PREX1: variants seen among roughly 807,000 people sequenced by gnomAD.
The protein encoded by PREX1 is phosphatidylinositol 3,4,5-trisphosphate-dependent Rac exchanger 1 protein.
In PREX1, 41 loss-of-function variants were observed where a neutral mutation model predicts 198.3. The observed-to-expected ratio is 0.21, with a 90% CI of 0.16 to 0.27. The LOEUF (loss-of-function observed/expected upper bound fraction) is 0.27, where lower values mean the gene tolerates loss of function less well. PREX1 is among the 10% of genes least tolerant of loss of function. PREX1 has a pLI of 1.00. For missense variants in PREX1, 1,620 were observed against 2,200.7 expected, an observed-to-expected ratio of 0.74 and a Z score of 5.28; for synonymous variants, 843 against 887.2, an observed-to-expected ratio of 0.95 and a Z score of 0.89.
intron 11 of PREX1, among the ~76,000 whole-genome samples, 194 bp downstream of exon 11, chr20:48,681,041 A>G (rs2089745927): frequency 2.0e-5 from 3 of 152,270 alleles, no homozygotes; most frequent in Non-Finnish European, 4.4e-5. Flanking sequence ...CAGGTTTTTG[A>G]GGTATCCCTG....
intron 13 of PREX1, among the ~76,000 whole-genome samples, chr20:48,678,008 G>A (rs2089721374): frequency 6.6e-6 from 1 of 150,538 alleles, no homozygotes; most frequent in African/African-American, 2.4e-5. Flanking sequence ...AAAAGAAAAA[G>A]AAAAAACCAA....
At chr20:48,767,229 G>C (rs1020049332) in intron 1 of PREX1, among the ~76,000 whole-genome samples, 1 of 152,306 alleles carries the variant, frequency 6.6e-6, no homozygotes, top group East Asian at 1.9e-4. Flanking sequence ...CTTCCAGCCA[G>C]ACCAGTGACA....
chr20:48,716,196 G>A (rs1248910817), intron 5 of PREX1, among the ~76,000 whole-genome samples: 2 of 152,150 alleles, frequency 1.3e-5, no homozygotes, highest in South Asian at 2.1e-4. Context: ...TCCGCCCCTC[G>A]AGTCCTGTGT....
rs1778481693 is a variant in PREX1 at position 48,827,298 on chromosome 20, C to T, written c.219+344G>A. On this transcript the variant is annotated intron_variant, in intron 1 of 39. Coordinates refer to ENST00000371941, the MANE Select transcript of PREX1 (RefSeq NM_020820.4). The surrounding 1 kb of genome is among the most constrained non-coding windows in gnomAD (Gnocchi z 4.1). ...TGGGAAAAAGACGCAGGAGCGCCAG[C>T]TCCCGGCGCCGCCGGGGTCCCCAAG... Among the ~76,000 whole-genome samples, 1 of 152,370 alleles carries T rather than the reference C, an allele frequency of 6.6e-6. No homozygotes were observed. Among genetic ancestry groups the T allele is most frequent in the Admixed American group, 6.5e-5 (1 of 15,312 alleles).
At chr20:48,710,196 A>AGGAGGAAGCAACAC (rs1052384163) in intron 5 of PREX1, among the ~76,000 whole-genome samples, 1 of 152,248 alleles carries the variant, frequency 6.6e-6, no homozygotes, top group Non-Finnish European at 1.5e-5. Context: ...AGAAGGCTTC[A>AGGAGGAAGCAACAC]GGAGGAAGCA....
intron 6 of PREX1, among the ~76,000 whole-genome samples, chr20:48,703,690 C>T (rs1568831818): frequency 6.6e-6 from 1 of 152,304 alleles, no homozygotes; most frequent in East Asian, 1.9e-4. Context: ...AGCCCTAGAA[C>T]CCTGCTGCCA....
chr20:48,782,229 T>A (rs1219980605), intron 1 of PREX1, among the ~76,000 whole-genome samples: 1 of 152,182 alleles, frequency 6.6e-6, no homozygotes, highest in South Asian at 2.1e-4. Flanking sequence ...ATAATTCCCA[T>A]GTGTTGTGGG....
chr20:48,789,059 T>C (rs750982729), intron 1 of PREX1, among the ~76,000 whole-genome samples: 11 of 152,208 alleles, frequency 7.2e-5, no homozygotes, highest in Admixed American at 1.3e-4. Flanking sequence ...TATTCTGTTA[T>C]GAGCAACAGA....
intron 1 of PREX1, among the ~76,000 whole-genome samples, chr20:48,780,064 C>T (rs975604969): frequency 1.3e-5 from 2 of 152,140 alleles, no homozygotes; most frequent in African/African-American, 4.8e-5. Flanking sequence ...TCAGTATGGA[C>T]ACTGGGTTTT....
intron 7 of PREX1, among the ~76,000 whole-genome samples, chr20:48,696,942 A>G (rs576867110): frequency 2.7e-5 from 4 of 150,728 alleles, no homozygotes; most frequent in Non-Finnish European, 5.9e-5. Flanking sequence ...GTCAGCCTCC[A>G]TAATCACGAG....
At chr20:48,849,411 T>C in the PREX1 span, 1 of 152,202 alleles carries the variant, frequency 6.6e-6, no homozygotes, top group African/African-American at 2.4e-5. Context: ...AATCTTGCAT[T>C]ATATATTTCT....
intron 14 of PREX1, among the ~76,000 whole-genome samples, chr20:48,674,555 C>T (rs1009094553): frequency 8.5e-5 from 13 of 152,154 alleles, no homozygotes; most frequent in South Asian, 2.1e-4. Flanking sequence ...CTTGAGGACT[C>T]GCTGAAAAAT....
chr20:48,818,888 G>A (rs1357716564), intron 1 of PREX1, among the ~76,000 whole-genome samples: 1 of 152,172 alleles, frequency 6.6e-6, no homozygotes, highest in Admixed American at 6.5e-5. Flanking sequence ...GGCCACAGAT[G>A]GGGGCCCAAA....
intron 5 of PREX1, among the ~76,000 whole-genome samples, chr20:48,717,907 T>A (rs188998024): frequency 6.6e-6 from 1 of 152,120 alleles, no homozygotes; most frequent in African/African-American, 2.4e-5. Flanking sequence ...GTATGCAAGG[T>A]AGTGATGAGA....
At chr20:48,774,050 T>C (rs1395787385) in intron 1 of PREX1, among the ~76,000 whole-genome samples, 1 of 152,154 alleles carries the variant, frequency 6.6e-6, no homozygotes, top group East Asian at 1.9e-4. Context: ...GCCGTCTCCC[T>C]GGTTTCTGGC....
chr20:48,690,285 T>C (rs1036118629), intron 9 of PREX1, among the ~76,000 whole-genome samples: 1 of 152,142 alleles, frequency 6.6e-6, no homozygotes, highest in African/African-American at 2.4e-5. Context: ...GATTTTGAAA[T>C]GTGCTCAAAT....
At chr20:48,651,111 C>A in intron 22 of PREX1, 56 bp from the exon 23 acceptor site, 1 of 1,590,014 alleles carries the variant, frequency 6.3e-7, no homozygotes, top group Non-Finnish European at 8.6e-7. Context: ...AGATTTTAAG[C>A]GGTTCACCCA....
the PREX1 span, among the ~76,000 whole-genome samples, chr20:48,834,977 G>A: frequency 6.6e-6 from 1 of 152,048 alleles, no homozygotes; most frequent in Non-Finnish European, 1.5e-5. Flanking sequence ...GGCTGGTCTC[G>A]AACTCCTGAC....
intron 29 of PREX1, among the ~76,000 whole-genome samples, chr20:48,641,028 G>T (rs955440727): frequency 1.3e-4 from 20 of 152,066 alleles, no homozygotes; most frequent in Admixed American, 8.5e-4. Context: ...TGGATGGATA[G>T]ATGGGTGGAT....
Sources: gnomAD v4.1 joint callset for allele counts (sites outside exome capture counted in the v4.1 genomes callset) on GRCh38, gnomAD v4.1.1 for gene constraint, Gnocchi (gnomAD v3.1) non-coding constraint, MANE v1.5 for transcripts, NCBI Gene and HGNC (gene_info 2026-07-23, HGNC 2026-07-21) for gene names.